The following TECTA variants were observed in gnomAD, a reference collection of about 807,000 sequenced individuals.
The protein encoded by TECTA is tectorin alpha.
A neutral mutation model predicts 216.8 loss-of-function variants in TECTA; 128 were observed. That is an observed-to-expected ratio of 0.59 (90% CI 0.51 to 0.68). TECTA has a LOEUF of 0.68. Ranked by LOEUF, TECTA falls within the 30% of genes least tolerant of loss-of-function variation. The pLI is 0.00. For synonymous variants in TECTA, 1,089 were observed against 1,117.1 expected, an observed-to-expected ratio of 0.97 and a Z score of 0.50; for missense variants, 2,551 against 2,786.2, an observed-to-expected ratio of 0.92 and a Z score of 1.90.
At position 121,158,021 on chromosome 11, in the gene TECTA, C is replaced by CGCACCT; in HGVS notation, c.4487_4492dup (p.Thr1497_Phe1498insCysThr). 1 of 1,613,052 alleles carries CGCACCT rather than the reference C, an allele frequency of 6.2e-7. No homozygotes were observed. Among genetic ancestry groups the CGCACCT allele is most frequent in the Non-Finnish European group, 8.5e-7 (1 of 1,179,974 alleles). On this transcript the variant is annotated inframe_insertion, in exon 14 of 24. Transcript: ENST00000392793. ...CCTGGCGGCCGGCGGCGGCGTCTTC[C>CGCACCT]GCACCTTCGACGGCGCCTTCCTGCG...
chr11:121,168,954 T>A (rs1283665169), intron 20 of TECTA, 29 bp downstream of exon 20: 1 of 1,613,918 alleles, frequency 6.2e-7, no homozygotes, highest in Admixed American at 1.7e-5. Context: ...GACAACATTC[T>A]CAGAGCTTCA....
rs757192942 is a variant in TECTA, at chr11:121,105,954, G to T, written c.188G>T (p.Arg63Leu). 15 of 1,614,048 alleles carry T rather than the reference G, an allele frequency of 9.3e-6. No individual in the cohort carries two copies. Among genetic ancestry groups the T allele is most frequent in the African/African-American group, 1.3e-5 (1 of 74,930 alleles). ...GTTTTCTTCTTTGGCGTTCCTTACC[G>T]CACTGTCTATGTAAGTGGAGAAGCA... is the stretch of plus-strand genomic sequence containing the variant. ...IPVFFFGVPY[R>L]TVYVNNNGVV... is the part of the protein sequence containing the mutation. The change falls in exon 3 of 24, where the codon CGC becomes CTC. Residue 63 changes from arginine (R) to leucine (L), a missense_variant. By Grantham distance (102) the Arg-to-Leu change is moderately radical (BLOSUM62 -2). Transcript: ENST00000392793. The surrounding 1 kb of genome is among the most constrained non-coding windows in gnomAD (Gnocchi z 5.3).
At position 121,134,545 on chromosome 11, in the gene TECTA, G is replaced by A. The variant is rs369251842; in HGVS notation, c.2942-2876G>A. On this transcript the variant is annotated intron_variant, in intron 10 of 23. Transcript: ENST00000392793. ...ACGGCTTCTGTCGGCCACCACATCC[G>A]GTGGGACCTTATCATACTTTCCCAA... is the stretch of plus-strand genomic sequence containing the variant. 8.8e-4 allele frequency among the ~76,000 whole-genome samples: 134 copies of A among 151,808 alleles called. No homozygotes were observed. In the Middle Eastern group the frequency reaches 0.021, roughly 23 times the overall value.
intron 3 of TECTA, 87 bp from the exon 4 acceptor site, chr11:121,109,124 C>T (rs117889729): frequency 6.9e-7 from 1 of 1,459,710 alleles, no homozygotes; most frequent in Non-Finnish European, 9.5e-7. Flanking sequence ...TTCATTCATA[C>T]AGTTAGGCGA....
In TECTA at chr11:121,168,135, C is replaced by T. The variant is rs121909063; in HGVS notation, c.5668C>T (p.Arg1890Cys). 3 of 1,614,148 alleles carry T rather than the reference C, an allele frequency of 1.9e-6. No homozygotes were observed. Among genetic ancestry groups the T allele is most frequent in the Non-Finnish European group, 2.5e-6 (3 of 1,180,026 alleles). ...CACTGGCAACATCATCACCAGGGACCGCACGATCAATGTGGAATTTTCATG... is the reference window on the plus strand; with the variant it reads ...CACTGGCAACATCATCACCAGGGACTGCACGATCAATGTGGAATTTTCATG... ...NNTGNIITRD[R>C]TINVEFSCAY... The change falls in exon 19 of 24, where the codon CGC becomes TGC. Residue 1890 changes from arginine to cysteine, a missense_variant. Physicochemically the swap from Arg to Cys is radical, Grantham distance 180. Around this residue, in one of 3 missense-constraint regions of TECTA, gnomAD observed 2,375 missense variants for 2,563.9 expected, o/e 0.93. Transcript: ENST00000392793.
intron 9 of TECTA, 122 bp downstream of exon 9, chr11:121,128,466 C>T: frequency 1.1e-6 from 1 of 892,740 alleles, no homozygotes; most frequent in Non-Finnish European, 1.7e-6. Context: ...AAGAAGATGG[C>T]TCCAAACGGG....
At chr11:121,178,517 A>AGTGTGTGT (rs3222565) in intron 20 of TECTA, among the ~76,000 whole-genome samples, 8,229 of 127,106 alleles carry the variant, frequency 0.065, 351 homozygotes, top group South Asian at 0.1. Flanking sequence ...GCTTGTAGTT[A>AGTGTGTGT]GTGTGTGTGT....
intron 12 of TECTA, among the ~76,000 whole-genome samples, chr11:121,147,314 A>C (rs1017934079): frequency 6.6e-6 from 1 of 152,180 alleles, no homozygotes; most frequent in African/African-American, 2.4e-5. Context: ...TTCAGATGAA[A>C]AACCAGAAAC....
chr11:121,184,760 G>A (rs1472640874), intron 20 of TECTA, among the ~76,000 whole-genome samples: 1 of 152,204 alleles, frequency 6.6e-6, no homozygotes, highest in Non-Finnish European at 1.5e-5. Flanking sequence ...GGCATGGGTT[G>A]CTGAGGTGTA....
rs557572252 is a variant in TECTA, at chr11:121,161,976, C to G, written c.4977-99C>G. 1.1e-5 allele frequency: 16 copies of G among 1,485,360 alleles called. No individual in the cohort carries two copies. In the South Asian group the frequency reaches 1.8e-4, roughly 17 times the overall value. The allele number at this position is 1,485,360 out of a possible 1,614,324, so 92.0% of individuals were successfully genotyped here. A position where few individuals can be genotyped will look rare whatever the true frequency, so the allele number is the denominator to read the frequency against. On this transcript the variant is annotated intron_variant, in intron 15 of 23. Coordinates refer to ENST00000392793, the MANE Select transcript of TECTA (RefSeq NM_005422.4). ...CACAAAGCTAGTGTTGGAATTGGCA[C>G]AATGCACTAGCTTCAGGGGTAGCAA...
At chr11:121,181,983 A>G (rs1947234452) in intron 20 of TECTA, among the ~76,000 whole-genome samples, 1 of 152,088 alleles carries the variant, frequency 6.6e-6, no homozygotes, top group Admixed American at 6.5e-5. Context: ...TCTCCATATG[A>G]TTTCTTCAGC....
chr11:121,127,827 T>C lies in TECTA; in HGVS notation c.1850T>C (p.Leu617Pro). ...TSSCPDTCSD[L>P]TASRNCATPC... is the part of the protein sequence containing the mutation. ...AGCTGCCCCGACACATGCTCCGACCTGACGGCCTCGCGGAACTGCGCCACG... is the reference window on the plus strand; with the variant it reads ...AGCTGCCCCGACACATGCTCCGACCCGACGGCCTCGCGGAACTGCGCCACG... The change falls in exon 9 of 24, where the codon CTG becomes CCG. Residue 617 changes from leucine (L) to proline (P), a missense_variant. By Grantham distance (98) the Leu-to-Pro change is moderately conservative. Coordinates refer to ENST00000392793, the MANE Select transcript of TECTA (RefSeq NM_005422.4). The surrounding 1 kb of genome is among the most constrained non-coding windows in gnomAD (Gnocchi z 5.0). 2 of 1,614,176 alleles carry C rather than the reference T, an allele frequency of 1.2e-6. No individual in the cohort carries two copies. The highest frequency in any genetic ancestry group is 1.7e-6 in the Non-Finnish European group (2 of 1,180,042).
chr11:121,149,301 C>T (rs1298792554), intron 12 of TECTA, among the ~76,000 whole-genome samples: 1 of 152,178 alleles, frequency 6.6e-6, no homozygotes, highest in African/African-American at 2.4e-5. Flanking sequence ...CGTCATTTTC[C>T]CTTTTATTGG....
intron 7 of TECTA, among the ~76,000 whole-genome samples, chr11:121,119,153 A>G (rs1314804083): frequency 6.6e-6 from 1 of 152,066 alleles, no homozygotes; most frequent in African/African-American, 2.4e-5. Context: ...CCAATTCACT[A>G]CAGCCTTTGA....
chr11:121,128,134 G>T lies in TECTA; in HGVS notation c.2157G>T (p.Gln719His), dbSNP rs1403459200. 1 of 1,612,944 alleles carries T rather than the reference G, an allele frequency of 6.2e-7. No individual in the cohort carries two copies. The highest frequency in any genetic ancestry group is 1.7e-5 in the Admixed American group (1 of 60,028). The change falls in exon 9 of 24, where the codon CAG becomes CAT. Residue 719 changes from glutamine to histidine, a missense_variant. This residue lies in a region of TECTA where 2,375 missense variants were observed against 2,563.9 expected (regional missense o/e 0.93). Transcript: ENST00000392793. ...RETVCLLSQN[Q>H]VLHTFDGASY... ...CCGTGTGCCTGCTCAGCCAGAACCA[G>T]GTGCTGCACACCTTTGACGGCGCCT...
intron 7 of TECTA, 141 bp from the exon 8 acceptor site, chr11:121,125,161 G>A: frequency 3.5e-6 from 3 of 860,608 alleles, no homozygotes; most frequent in Admixed American, 2.0e-5. Context: ...TAATCAGAGG[G>A]AAGCCCACTG....
At chr11:121,147,403 G>A (rs1030280781) in intron 12 of TECTA, among the ~76,000 whole-genome samples, 1 of 152,182 alleles carries the variant, frequency 6.6e-6, no homozygotes, top group African/African-American at 2.4e-5. Context: ...GGAAGGGTGG[G>A]AGGAAGATGA....
chr11:121,179,728 T>G (rs1204662406), intron 20 of TECTA, among the ~76,000 whole-genome samples: 1 of 152,160 alleles, frequency 6.6e-6, no homozygotes, highest in Non-Finnish European at 1.5e-5. Flanking sequence ...TATTTAGAAT[T>G]GTTGTATCCT....
chr11:121,127,034 G>GC lies in TECTA; in HGVS notation c.1775-714dup, dbSNP rs1161873999. Among the ~76,000 whole-genome samples the GC allele has an allele frequency of 2.0e-5, 3 of 152,192 alleles. No individual in the cohort carries two copies. The highest frequency in any genetic ancestry group is 4.4e-5 in the Non-Finnish European group (3 of 68,022). On this transcript the variant is annotated intron_variant, in intron 8 of 23. Transcript: ENST00000392793. This position sits in a 1 kb window ranked among gnomAD's most constrained non-coding sequence, Gnocchi z 5.0. ...GAGAGCTAGTTTGCTAGGCCCCTGA[G>GC]CCCCTGCTTGTTGGATTCAACCAGA...
Sources: gnomAD v4.1 joint callset for allele counts (sites outside exome capture counted in the v4.1 genomes callset) on GRCh38, gnomAD v4.1.1 for gene constraint, gnomAD v4.1.1 regional missense constraint, Gnocchi (gnomAD v3.1) non-coding constraint, MANE v1.5 for transcripts, NCBI Gene and HGNC (gene_info 2026-07-23, HGNC 2026-07-21) for gene names.